ASB13: variants seen among roughly 807,000 people sequenced by gnomAD.
The protein encoded by ASB13 is ankyrin repeat and SOCS box protein 13.
In ASB13, 33 loss-of-function variants were observed where a neutral mutation model predicts 28.8. The ratio of observed to expected loss-of-function variants is 1.15; its 90% CI spans 0.87 to 1.53. The LOEUF (loss-of-function observed/expected upper bound fraction) is 1.53. Ranked by LOEUF, ASB13 falls within the 40% of genes most tolerant of loss-of-function variation. ASB13 has a pLI of 0.00. For synonymous variants in ASB13, 182 were observed against 172.9 expected, an observed-to-expected ratio of 1.05 and a Z score of -0.41; for missense variants, 414 against 390.1, an observed-to-expected ratio of 1.06 and a Z score of -0.52.
Position 5,642,611 on chromosome 10 carries a change from G to T in ASB13, c.518-650C>A. ...TTTTAAAAAAAAGAGCAGACATTCA[G>T]AAAGATGCAAGGAATTAGTAGCTAA... On this transcript the variant is annotated intron_variant, in intron 4 of 5. Transcript: ENST00000357700. This position sits in a 1 kb window ranked among gnomAD's most constrained non-coding sequence, Gnocchi z 4.1. 1.2e-6 allele frequency: 1 copy of T among 859,852 alleles called. No individual in the cohort carries two copies. Among genetic ancestry groups the T allele is most frequent in the Non-Finnish European group, 1.6e-6 (1 of 631,488 alleles). 53.3% of individuals were successfully genotyped at this position (859,852 alleles called of 1,614,324 possible). A position where few individuals can be genotyped will look rare whatever the true frequency, so the allele number is the denominator to read the frequency against.
intron 1 of ASB13, among the ~76,000 whole-genome samples, chr10:5,654,402 C>T (rs1336973001): frequency 1.3e-5 from 2 of 152,046 alleles, no homozygotes; most frequent in Non-Finnish European, 2.9e-5. Flanking sequence ...ATGGCAAAGC[C>T]GGGAAAGGAC....
At position 5,642,770 on chromosome 10, in the gene ASB13, C is replaced by T. The variant is rs1198242483; in HGVS notation, c.518-809G>A. On this transcript the variant is annotated intron_variant, in intron 4 of 5. Coordinates refer to ENST00000357700, the MANE Select transcript of ASB13 (RefSeq NM_024701.4). This position sits in a 1 kb window ranked among gnomAD's most constrained non-coding sequence, Gnocchi z 4.1. Reference sequence around the variant, plus strand: ...CAAGCGATTCTCCTGCCTCAGCCTCCCGAGTTGCTGGGATGACAGGTGTGC... The same window carrying T: ...CAAGCGATTCTCCTGCCTCAGCCTCTCGAGTTGCTGGGATGACAGGTGTGC... Among the ~76,000 whole-genome samples, 1 of 151,904 alleles carries T rather than the reference C, an allele frequency of 6.6e-6. No individual in the cohort carries two copies. The highest frequency in any genetic ancestry group is 2.4e-5 in the African/African-American group (1 of 41,344).
rs534981465 is a variant in ASB13, at chr10:5,650,559, C to A, written c.382+654G>T. ...TCAAGATATAAGCCACAGTTTGCAACCTCTGCTCGAAAGAGTAGAATCTAA... is the reference window on the plus strand; with the variant it reads ...TCAAGATATAAGCCACAGTTTGCAAACTCTGCTCGAAAGAGTAGAATCTAA... On this transcript the variant is annotated intron_variant, in intron 3 of 5. Coordinates refer to ENST00000357700, the MANE Select transcript of ASB13 (RefSeq NM_024701.4). This position sits in a 1 kb window ranked among gnomAD's most constrained non-coding sequence, Gnocchi z 6.0. 3.3e-4 allele frequency among the ~76,000 whole-genome samples: 50 copies of A among 152,356 alleles called. No individual in the cohort carries two copies. Among genetic ancestry groups the A allele is most frequent in the Middle Eastern group, 3.4e-3 (1 of 294 alleles).
chr10:5,653,001 C>G lies in ASB13; in HGVS notation c.93G>C (p.Glu31Asp), dbSNP rs1158594202. Residue 31 changes from glutamate to aspartate, a missense_variant, in exon 2 of 6, where the codon GAG becomes GAC. Transcript: ENST00000357700. Reference sequence around the variant, plus strand: ...CGATCAGCTGTTGCAGCTGCAGGCTCTCACCCCGCTGGGCTGCCTCGTGCA... The same window carrying G: ...CGATCAGCTGTTGCAGCTGCAGGCTGTCACCCCGCTGGGCTGCCTCGTGCA... ...TPVHEAAQRG[E>D]SLQLQQLIES... is the part of the protein sequence containing the mutation. 4 of 1,552,330 alleles carry G rather than the reference C, an allele frequency of 2.6e-6. No homozygotes were observed. The South Asian group carries it at 3.6e-5, about 14-fold the overall frequency.
At chr10:5,640,869 A>C (rs538923848) in intron 5 of ASB13, 39 bp from the exon 6 acceptor site, 17 of 1,608,526 alleles carry the variant, frequency 1.1e-5, no homozygotes, top group Non-Finnish European at 1.4e-5. Flanking sequence ...GGTTAATTTC[A>C]GGAAGAAGCA....
At position 5,658,399 on chromosome 10, in the gene ASB13, A is replaced by G. The variant is rs1478330993; in HGVS notation, c.44-5349T>C. Among the ~76,000 whole-genome samples the G allele has an allele frequency of 6.6e-6, 1 of 151,486 alleles. No homozygotes were observed. Among genetic ancestry groups the G allele is most frequent in the Non-Finnish European group, 1.5e-5 (1 of 67,900 alleles). ...TGAGCCAAAATCGTGCCATTGCACTACGGCCTGGGTGACTTTGTCTGAAAA... is the reference window on the plus strand; with the variant it reads ...TGAGCCAAAATCGTGCCATTGCACTGCGGCCTGGGTGACTTTGTCTGAAAA... On this transcript the variant is annotated intron_variant, in intron 1 of 5. Transcript: ENST00000357700. The surrounding 1 kb of genome is among the most constrained non-coding windows in gnomAD (Gnocchi z 4.2).
chr10:5,641,732 G>T lies in ASB13; in HGVS notation c.709+38C>A, dbSNP rs756364444. ...GGCACGTCAGGGGTCCAGGCTGAAG[G>T]CTGGAGGGGATGGGGTGCGCTCGGT... On this transcript the variant is annotated intron_variant, in intron 5 of 5. Transcript: ENST00000357700. The surrounding 1 kb of genome is among the most constrained non-coding windows in gnomAD (Gnocchi z 8.4). The T allele has an allele frequency of 2.2e-5, 33 of 1,534,394 alleles. No individual in the cohort carries two copies. The highest frequency in any genetic ancestry group is 4.4e-4 in the Middle Eastern group (2 of 4,562).
Position 5,652,930 on chromosome 10 carries a change from G to C in ASB13, c.164C>G (p.Pro55Arg). 1 of 1,583,930 alleles carries C rather than the reference G, an allele frequency of 6.3e-7. No homozygotes were observed. The change falls in exon 2 of 6, where the codon CCC becomes CGC. Residue 55 changes from proline (P) to arginine (R), a missense_variant. By Grantham distance (103) the Pro-to-Arg change is moderately radical. Coordinates refer to ENST00000357700, the MANE Select transcript of ASB13 (RefSeq NM_024701.4). This position sits in a 1 kb window ranked among gnomAD's most constrained non-coding sequence, Gnocchi z 5.0. ...VNQVTVDSIT[P>R]LHAASLQGQA... is the part of the protein sequence containing the mutation. ...GCCCTGCAGACTGGCTGCGTGCAGG[G>C]GCGTGATGGAGTCCACGGTGACCTG... is the stretch of plus-strand genomic sequence containing the variant.
chr10:5,646,390 G>C (rs1424862905), intron 4 of ASB13, among the ~76,000 whole-genome samples: 1 of 152,214 alleles, frequency 6.6e-6, no homozygotes, highest in Non-Finnish European at 1.5e-5. Flanking sequence ...ACTGGGGAGG[G>C]GTGTGTGAAA....
chr10:5,648,951 C>T lies in ASB13; in HGVS notation c.517+19G>A, dbSNP rs747316080. On this transcript the variant is annotated intron_variant, in intron 4 of 5. Transcript: ENST00000357700. ...ACACCCACTCAGGTAAACACCCGCT[C>T]GGGCAAACACCCACTCACCTGCATT... 39 of 1,611,828 alleles carry T rather than the reference C, an allele frequency of 2.4e-5. No individual in the cohort carries two copies. Among genetic ancestry groups the T allele is most frequent in the South Asian group, 4.4e-5 (4 of 91,052 alleles).
At chr10:5,647,528 T>C (rs1016370937) in intron 4 of ASB13, among the ~76,000 whole-genome samples, 3 of 152,200 alleles carry the variant, frequency 2.0e-5, no homozygotes, top group African/African-American at 7.2e-5. Flanking sequence ...AAATGCTCCA[T>C]ATTCTCCTAA....
intron 5 of ASB13, 61 bp from the exon 6 acceptor site, chr10:5,640,891 A>ACC: frequency 6.3e-7 from 1 of 1,594,244 alleles, no homozygotes; most frequent in Non-Finnish European, 8.6e-7. Flanking sequence ...AACACCTGCA[A>ACC]TGGAACACAA....
Position 5,658,400 on chromosome 10 carries a change from C to T in ASB13, c.44-5350G>A, listed in dbSNP as rs558450564. Among the ~76,000 whole-genome samples the T allele has an allele frequency of 3.1e-3, 471 of 149,982 alleles. 4 individuals are homozygous for T. The highest frequency in any genetic ancestry group is 0.011 in the African/African-American group (436 of 40,572). On this transcript the variant is annotated intron_variant, in intron 1 of 5. Coordinates refer to ENST00000357700, the MANE Select transcript of ASB13 (RefSeq NM_024701.4). The surrounding 1 kb of genome is among the most constrained non-coding windows in gnomAD (Gnocchi z 4.2). ...GAGCCAAAATCGTGCCATTGCACTA[C>T]GGCCTGGGTGACTTTGTCTGAAAAA... is the stretch of plus-strand genomic sequence containing the variant.
chr10:5,646,885 CAG>C (rs1392286851), intron 4 of ASB13, among the ~76,000 whole-genome samples: 1 of 152,156 alleles, frequency 6.6e-6, no homozygotes, highest in East Asian at 1.9e-4. Flanking sequence ...ATCCAGCTGC[CAG>C]AGGAACGGCT....
Position 5,655,746 on chromosome 10 carries a change from G to A in ASB13, c.44-2696C>T, listed in dbSNP as rs1835060672. On this transcript the variant is annotated intron_variant, in intron 1 of 5. Transcript: ENST00000357700. The surrounding 1 kb of genome is among the most constrained non-coding windows in gnomAD (Gnocchi z 6.2). ...AGTGTCACTTTAAAATCAATCCGCA[G>A]GGAGCAAAATCCTAAGGGTAGAAGG... Among the ~76,000 whole-genome samples, 1 of 152,132 alleles carries A rather than the reference G, an allele frequency of 6.6e-6. No homozygotes were observed. Among genetic ancestry groups the A allele is most frequent in the African/African-American group, 2.4e-5 (1 of 41,416 alleles).
chr10:5,641,130 C>G lies in ASB13; in HGVS notation c.710-300G>C, dbSNP rs1834803154. Reference sequence around the variant, plus strand: ...AAAAAAGCGACAGAGGCAAGAATCTCTTACTCTGTCACCCAGGCTGGAGTG... The same window carrying G: ...AAAAAAGCGACAGAGGCAAGAATCTGTTACTCTGTCACCCAGGCTGGAGTG... On this transcript the variant is annotated intron_variant, in intron 5 of 5. Coordinates refer to ENST00000357700, the MANE Select transcript of ASB13 (RefSeq NM_024701.4). This position sits in a 1 kb window ranked among gnomAD's most constrained non-coding sequence, Gnocchi z 8.4. Among the ~76,000 whole-genome samples the G allele has an allele frequency of 6.6e-6, 1 of 152,152 alleles. No individual in the cohort carries two copies. The highest frequency in any genetic ancestry group is 6.5e-5 in the Admixed American group (1 of 15,278).
Position 5,664,938 on chromosome 10 carries a change from C to T in ASB13, c.43+1571G>A, listed in dbSNP as rs190614689. On this transcript the variant is annotated intron_variant, in intron 1 of 5. Coordinates refer to ENST00000357700, the MANE Select transcript of ASB13 (RefSeq NM_024701.4). This position sits in a 1 kb window ranked among gnomAD's most constrained non-coding sequence, Gnocchi z 4.2. Reference sequence around the variant, plus strand: ...ATGGCCCAATCTCGGCTTACTGCAACCTCTGCCTTCCAGGTTCGAGTGATT... The same window carrying T: ...ATGGCCCAATCTCGGCTTACTGCAATCTCTGCCTTCCAGGTTCGAGTGATT... 6.6e-6 allele frequency among the ~76,000 whole-genome samples: 1 copy of T among 152,284 alleles called. No homozygotes were observed. Among genetic ancestry groups the T allele is most frequent in the Admixed American group, 6.5e-5 (1 of 15,290 alleles).
Position 5,641,533 on chromosome 10 carries a change from G to A in ASB13, c.709+237C>T, listed in dbSNP as rs185862765. 8.0e-3 allele frequency among the ~76,000 whole-genome samples: 1,213 copies of A among 152,336 alleles called. 8 individuals are homozygous for A. The highest frequency in any genetic ancestry group is 0.011 in the Non-Finnish European group (763 of 68,030). ...CACAGGAGGCACAGGTCTGGTGCCC[G>A]GGCAGGTGTCGGCCACAGCTTCTGC... On this transcript the variant is annotated intron_variant, in intron 5 of 5. Coordinates refer to ENST00000357700, the MANE Select transcript of ASB13 (RefSeq NM_024701.4). The surrounding 1 kb of genome is among the most constrained non-coding windows in gnomAD (Gnocchi z 8.4).
chr10:5,648,871 CGGGCAAACACCCACTT>C (rs1382412384), intron 4 of ASB13, 83 bp downstream of exon 4: 156 of 1,555,638 alleles, frequency 1.0e-4, no homozygotes, highest in African/African-American at 6.1e-4. Context: ...AACACCCACT[CGGGCAAACACCCACTT>C]GGGCAAACAC....
Sources: allele counts gnomAD v4.1 joint callset (sites outside exome capture counted in the v4.1 genomes callset), GRCh38; gene constraint gnomAD v4.1.1; non-coding constraint Gnocchi (gnomAD v3.1); transcripts MANE v1.5; gene names NCBI Gene and HGNC (gene_info 2026-07-23, HGNC 2026-07-21).